The following LMNTD1 variants were observed in gnomAD, a reference collection of about 807,000 sequenced individuals.
LMNTD1 encodes lamin tail domain containing 1.
Under a neutral mutation model 50.9 loss-of-function variants are expected in LMNTD1, and 35 were observed. The ratio of observed to expected loss-of-function variants is 0.69; its 90% CI spans 0.53 to 0.91. LMNTD1 has a LOEUF of 0.91. Ranked by LOEUF, LMNTD1 falls within the 40% of genes least tolerant of loss-of-function variation. The probability of loss-of-function intolerance (pLI) is 0.00; values close to 1 mark genes in which losing one functional copy is unlikely to be tolerated. For synonymous variants in LMNTD1, 153 were observed against 161.9 expected, an observed-to-expected ratio of 0.94 and a Z score of 0.42; for missense variants, 470 against 475.5, an observed-to-expected ratio of 0.99 and a Z score of 0.11.
chr12:25,599,473 A>G (rs911192721), intron 1 of LMNTD1, among the ~76,000 whole-genome samples: 5 of 152,082 alleles, frequency 3.3e-5, no homozygotes, highest in Admixed American at 2.6e-4. Flanking sequence ...AGAGAAAGAA[A>G]TGAAGGGTAT....
At chr12:25,544,090 G>C (rs1254964680) in intron 4 of LMNTD1, among the ~76,000 whole-genome samples, 1 of 151,824 alleles carries the variant, frequency 6.6e-6, no homozygotes, top group East Asian at 1.9e-4. Flanking sequence ...AGGCCTCATT[G>C]GTCTAATGTG....
Position 25,606,615 on chromosome 12 carries a change from T to C in LMNTD1, c.58+41879A>G, listed in dbSNP as rs200878946. Among the ~76,000 whole-genome samples the C allele has an allele frequency of 7.9e-3, 1,209 of 152,340 alleles. 46 individuals are homozygous for C. Among genetic ancestry groups the C allele is most frequent in the Admixed American group, 0.055 (844 of 15,300 alleles). The stretch of plus-strand genomic sequence containing the variant: ...CATGTGGTTTTTGTCTTTGGTTCTG[T>C]TTATATGCTGGATTACGTTTATTGA... On this transcript the variant is annotated intron_variant, in intron 1 of 7. Coordinates refer to the LMNTD1 transcript ENST00000445693.
intron 4 of LMNTD1, among the ~76,000 whole-genome samples, chr12:25,532,290 A>C (rs997776303): frequency 2.6e-5 from 4 of 152,188 alleles, no homozygotes; most frequent in African/African-American, 9.6e-5. Context: ...GTTGGGAACA[A>C]ATCACTTTAA....
At chr12:25,496,256 T>C (rs1939062510) in intron 9 of LMNTD1, among the ~76,000 whole-genome samples, 1 of 152,184 alleles carries the variant, frequency 6.6e-6, no homozygotes, top group African/African-American at 2.4e-5. Flanking sequence ...CTTTTGGTTG[T>C]ATGTTTATAC....
chr12:25,497,275 G>A (rs1939114184), intron 9 of LMNTD1, among the ~76,000 whole-genome samples: 1 of 152,038 alleles, frequency 6.6e-6, no homozygotes, highest in Admixed American at 6.6e-5. Context: ...GGATGAGACC[G>A]GCCCCTCCTC....
intron 1 of LMNTD1, among the ~76,000 whole-genome samples, chr12:25,596,241 T>C (rs1288604383): frequency 2.0e-5 from 3 of 152,080 alleles, no homozygotes; most frequent in African/African-American, 7.2e-5. Flanking sequence ...AGTATCACCC[T>C]AATAACAGAA....
intron 9 of LMNTD1, among the ~76,000 whole-genome samples, chr12:25,481,327 T>A (rs1938436667): frequency 6.6e-6 from 1 of 152,070 alleles, no homozygotes; most frequent in Admixed American, 6.5e-5. Flanking sequence ...ATCACTAAAG[T>A]ACAAGCTTCA....
intron 9 of LMNTD1, among the ~76,000 whole-genome samples, chr12:25,477,968 C>G (rs1481105915): frequency 2.0e-5 from 3 of 152,172 alleles, no homozygotes; most frequent in East Asian, 3.9e-4. Flanking sequence ...CAGGAAGCAT[C>G]CAGCGCAGGA....
Position 25,476,425 on chromosome 12 carries a change from G to T in LMNTD1, c.*58C>A, listed in dbSNP as rs371667387. ...GCCTCAGGGATTTGAGTTCTCTTTTGCTTTTCTAGTAGCTGGTTGAGGGTG... is the reference window on the plus strand; with the variant it reads ...GCCTCAGGGATTTGAGTTCTCTTTTTCTTTTCTAGTAGCTGGTTGAGGGTG... On this transcript the variant is annotated 3_prime_UTR_variant, in exon 10 of 10. Coordinates refer to ENST00000458174, the MANE Select transcript of LMNTD1 (RefSeq NM_001145728.2). The T allele has an allele frequency of 2.6e-4, 39 of 152,230 alleles. No homozygotes were observed. Among genetic ancestry groups the T allele is most frequent in the South Asian group, 1.0e-3 (5 of 4,816 alleles). The allele number at this position is 152,230 out of a possible 1,614,324, so 9.4% of individuals were successfully genotyped here.
At chr12:25,541,432 C>T (rs910903629) in intron 4 of LMNTD1, among the ~76,000 whole-genome samples, 1 of 143,132 alleles carries the variant, frequency 7.0e-6, no homozygotes, top group African/African-American at 2.6e-5. Context: ...CTACAACTAT[C>T]TGATCTTTGA....
chr12:25,610,278 G>A lies in LMNTD1; in HGVS notation c.58+38216C>T, dbSNP rs1269029239. On this transcript the variant is annotated intron_variant, in intron 1 of 7. Coordinates refer to the LMNTD1 transcript ENST00000445693. ...CTTGGCTAGGAAAGGGAAATTTCCA[G>A]GCCCCTTGTGCTTCCTGGGTGAGGC... 2.6e-5 allele frequency among the ~76,000 whole-genome samples: 4 copies of A among 152,128 alleles called. No homozygotes were observed. The East Asian group carries it at 7.7e-4, about 29-fold the overall frequency.
chr12:25,575,456 A>C (rs1031644364), intron 1 of LMNTD1, among the ~76,000 whole-genome samples: 2 of 152,198 alleles, frequency 1.3e-5, no homozygotes, highest in African/African-American at 2.4e-5. Context: ...CAGCAATGCC[A>C]TAAAATGCCA....
intron 1 of LMNTD1, among the ~76,000 whole-genome samples, chr12:25,602,807 A>T (rs1415005573): frequency 6.6e-6 from 1 of 152,002 alleles, no homozygotes; most frequent in Non-Finnish European, 1.5e-5. Flanking sequence ...GGGAAAAAAA[A>T]ATCAGCTGAA....
At chr12:25,597,442 C>A in intron 1 of LMNTD1, among the ~76,000 whole-genome samples, 1 of 151,604 alleles carries the variant, frequency 6.6e-6, no homozygotes. Context: ...GCTGTCAATT[C>A]AGCAAGTGGT....
At chr12:25,609,125 C>G (rs1427384185) in intron 1 of LMNTD1, among the ~76,000 whole-genome samples, 1 of 152,146 alleles carries the variant, frequency 6.6e-6, no homozygotes, top group African/African-American at 2.4e-5. Flanking sequence ...GCTACTGAAG[C>G]TTGTGCATGC....
At chr12:25,504,426 G>A (rs1939589617) in intron 8 of LMNTD1, among the ~76,000 whole-genome samples, 1 of 152,194 alleles carries the variant, frequency 6.6e-6, no homozygotes, top group Non-Finnish European at 1.5e-5. Flanking sequence ...TATGAAGCAA[G>A]TGTATCAAAC....
chr12:25,591,579 G>A (rs1428533470), intron 1 of LMNTD1, among the ~76,000 whole-genome samples: 1 of 152,128 alleles, frequency 6.6e-6, no homozygotes. Context: ...CCAGGGCCTG[G>A]GGGAACTTGT....
In LMNTD1 at chr12:25,547,265, G is replaced by C. The variant is rs1220886486; in HGVS notation, c.311-711C>G. 3 of 644,280 alleles carry C rather than the reference G, an allele frequency of 4.7e-6. No individual in the cohort carries two copies. In the African/African-American group the frequency reaches 5.9e-5, roughly 13 times the overall value. 39.9% of individuals were successfully genotyped at this position (644,280 alleles called of 1,614,324 possible). On this transcript the variant is annotated intron_variant, in intron 3 of 9. Coordinates refer to ENST00000458174, the MANE Select transcript of LMNTD1 (RefSeq NM_001145728.2). ...CGTGATGAAGTGGAAAGAACAACGT[G>C]TCTTGCATTTAGACAGACTTGTAAT... is the stretch of plus-strand genomic sequence containing the variant.
chr12:25,572,108 T>TA (rs1195590263), intron 1 of LMNTD1, among the ~76,000 whole-genome samples: 1 of 152,230 alleles, frequency 6.6e-6, no homozygotes, highest in East Asian at 1.9e-4. Context: ...TATGAGAACT[T>TA]ATGTAAAATA....
Sources: allele counts gnomAD v4.1 joint callset (sites outside exome capture counted in the v4.1 genomes callset), GRCh38; gene constraint gnomAD v4.1.1; transcripts MANE v1.5; gene names NCBI Gene and HGNC (gene_info 2026-07-23, HGNC 2026-07-21).